The following TTC28 variants were observed in gnomAD, a reference collection of about 807,000 sequenced individuals.
TTC28 encodes the protein tetratricopeptide repeat domain 28, also known as tetratricopeptide repeat protein 28.
In TTC28, 61 loss-of-function variants were observed where a neutral mutation model predicts 198.0. The ratio of observed to expected loss-of-function variants is 0.31; its 90% confidence interval spans 0.25 to 0.38. TTC28 has a LOEUF of 0.38. Among genes scored for constraint, TTC28 ranks in the 10% least tolerant of loss-of-function variants. TTC28 has a pLI of 1.00. For synonymous variants in TTC28, 1,171 were observed against 1,297.8 expected, an observed-to-expected ratio of 0.90 and a Z score of 2.10; for missense variants, 2,678 against 3,164.0, an observed-to-expected ratio of 0.85 and a Z score of 3.69.
intron 1 of TTC28, among the ~76,000 whole-genome samples, chr22:28,634,035 AGAG>A (rs749687283): frequency 6.6e-6 from 1 of 152,186 alleles, no homozygotes; most frequent in Non-Finnish European, 1.5e-5. Flanking sequence ...TCTAAATACT[AGAG>A]GAGAACTCTA....
At chr22:28,197,969 A>G (rs1925540797) in intron 5 of TTC28, among the ~76,000 whole-genome samples, 1 of 152,164 alleles carries the variant, frequency 6.6e-6, no homozygotes, top group Non-Finnish European at 1.5e-5. Context: ...CCTTTCAAAC[A>G]GCAAAGTGCA....
In TTC28 at chr22:28,030,245, G is replaced by A. The variant is rs201500299; in HGVS notation, c.4054C>T (p.Arg1352Cys). Residue 1352 changes from arginine to cysteine, a missense_variant, in exon 13 of 23, where the codon CGC (arginine) becomes TGC (cysteine). This residue lies in a region of TTC28 where 727 missense variants were observed against 861.9 expected (regional missense o/e 0.84). Coordinates refer to ENST00000397906, the MANE Select transcript of TTC28 (RefSeq NM_001145418.2). ...DPTGFLRMVR[R>C]NNLFNRSCQS... ...ACTCACCTGTTAAACAGGTTATTGC[G>A]GCGAACCATCCGCAGAAAGCCAGTG... The A allele has an allele frequency of 9.3e-4, 1,444 of 1,551,682 alleles. 2 individuals are homozygous for A. The highest frequency in any genetic ancestry group is 1.2e-3 in the Non-Finnish European group (1,321 of 1,146,990).
At chr22:28,032,175 T>A (rs936605867) in intron 12 of TTC28, among the ~76,000 whole-genome samples, 5 of 79,106 alleles carry the variant, frequency 6.3e-5, no homozygotes, top group African/African-American at 2.9e-4. Flanking sequence ...TGTGTATATA[T>A]ATATATATAT....
Position 28,101,188 on chromosome 22 carries a change from C to G in TTC28, c.3400G>C (p.Glu1134Gln), listed in dbSNP as rs1942139781. The G allele has an allele frequency of 1.9e-6, 3 of 1,550,938 alleles. No homozygotes were observed. The highest frequency in any genetic ancestry group is 2.6e-6 in the Non-Finnish European group (3 of 1,146,730). Residue 1134 changes from glutamate (E) to glutamine (Q), a missense_variant, in exon 9 of 23, where the codon GAG (glutamate) becomes CAG (glutamine). Physicochemically the swap from Glu to Gln is conservative, Grantham distance 29. Around this residue, in one of 8 missense-constraint regions of TTC28, gnomAD observed 727 missense variants for 861.9 expected, o/e 0.84. Coordinates refer to ENST00000397906, the MANE Select transcript of TTC28 (RefSeq NM_001145418.2). Reference protein sequence around the residue: ...GLSLWASGNLEEAQHQLYRAS... With the variant: ...GLSLWASGNLQEAQHQLYRAS... ...CTGCTTACCTGGTGTTGGGCCTCCT[C>G]CAAGTTTCCACTAGCCCAAAGGGAG...
intron 2 of TTC28, among the ~76,000 whole-genome samples, chr22:28,401,770 T>C (rs1040986137): frequency 1.3e-5 from 2 of 152,046 alleles, no homozygotes; most frequent in Non-Finnish European, 2.9e-5. Context: ...ACCCCATCTC[T>C]ACAAAAAAAA....
chr22:28,017,185 G>A (rs1938409921), intron 13 of TTC28, among the ~76,000 whole-genome samples: 1 of 152,244 alleles, frequency 6.6e-6, no homozygotes, highest in Admixed American at 6.5e-5. Context: ...AGACAGGCCT[G>A]GGGCAGGAGG....
intron 2 of TTC28, among the ~76,000 whole-genome samples, chr22:28,387,610 T>G (rs2046631888): frequency 6.6e-6 from 1 of 152,256 alleles, no homozygotes; most frequent in Non-Finnish European, 1.5e-5. Flanking sequence ...GTGAGCATTT[T>G]CTCATGTGTT....
At chr22:28,642,818 T>C (rs747177409) in intron 1 of TTC28, among the ~76,000 whole-genome samples, 75 of 152,224 alleles carry the variant, frequency 4.9e-4, no homozygotes, top group Admixed American at 8.5e-4. Flanking sequence ...TAGCAATATG[T>C]GGTCGTTTAA....
At chr22:28,434,896 G>A (rs900507553) in intron 2 of TTC28, among the ~76,000 whole-genome samples, 8 of 152,144 alleles carry the variant, frequency 5.3e-5, no homozygotes, top group African/African-American at 1.7e-4. Context: ...CTCAACATCT[G>A]TGCTTCTACA....
chr22:28,618,417 C>T (rs1475308181), intron 2 of TTC28, among the ~76,000 whole-genome samples: 1 of 152,076 alleles, frequency 6.6e-6, no homozygotes, highest in Non-Finnish European at 1.5e-5. Context: ...TGCAGTGGCT[C>T]ACGCCTGTAA....
intron 6 of TTC28, among the ~76,000 whole-genome samples, chr22:28,152,391 C>A (rs1943630455): frequency 6.6e-6 from 1 of 151,962 alleles, no homozygotes; most frequent in African/African-American, 2.4e-5. Context: ...TTAGCCCTAG[C>A]CCAGGTAATC....
At chr22:28,210,239 C>A (rs767253992) in intron 5 of TTC28, among the ~76,000 whole-genome samples, 1 of 152,186 alleles carries the variant, frequency 6.6e-6, no homozygotes, top group African/African-American at 2.4e-5. Flanking sequence ...CTCTTCTCCA[C>A]CAAAGGAACG....
chr22:28,567,446 TACAC>T (rs913803833), intron 2 of TTC28, among the ~76,000 whole-genome samples: 3 of 98,526 alleles, frequency 3.0e-5, no homozygotes, highest in South Asian at 3.5e-4. Context: ...CACATATACA[TACAC>T]ACACACACCA....
At chr22:28,279,393 C>G (rs1569236447) in intron 5 of TTC28, among the ~76,000 whole-genome samples, 1 of 151,912 alleles carries the variant, frequency 6.6e-6, no homozygotes, top group East Asian at 1.9e-4. Flanking sequence ...TTTTTTTAGA[C>G]AGAGTCTTTC....
chr22:28,311,444 G>A (rs2045255054), intron 2 of TTC28, among the ~76,000 whole-genome samples: 1 of 152,074 alleles, frequency 6.6e-6, no homozygotes, highest in Non-Finnish European at 1.5e-5. Flanking sequence ...CAATTGTGAT[G>A]GAAAACGATA....
chr22:28,673,184 C>T (rs1197994767), intron 1 of TTC28, among the ~76,000 whole-genome samples: 2 of 152,088 alleles, frequency 1.3e-5, no homozygotes, highest in African/African-American at 4.8e-5. Context: ...ACCATCCTGG[C>T]TAACATGGTG....
In TTC28 at chr22:27,998,582, C is replaced by G. The variant is rs762125187; in HGVS notation, c.5077G>C (p.Val1693Leu). Residue 1693 changes from valine to leucine, a missense_variant, in exon 16 of 23, where the codon GTG (valine) becomes CTG (leucine). Val to Leu is a conservative substitution (Grantham distance 32, BLOSUM62 1). Coordinates refer to ENST00000397906, the MANE Select transcript of TTC28 (RefSeq NM_001145418.2). ...SAALGEAMKVVQSSKAFSHPS... is the reference protein window; with the variant it reads ...SAALGEAMKVLQSSKAFSHPS... ...TGCGAGAAGGCCTTGCTGCTCTGCA[C>G]CACCTTCATGGCCTCCCCCAGGGCG... 1.9e-6 allele frequency: 3 copies of G among 1,550,774 alleles called. No individual in the cohort carries two copies. The highest frequency in any genetic ancestry group is 2.4e-5 in the South Asian group (2 of 84,064).
At chr22:28,233,456 C>T (rs1011705074) in intron 5 of TTC28, among the ~76,000 whole-genome samples, 2 of 151,942 alleles carry the variant, frequency 1.3e-5, no homozygotes, top group Non-Finnish European at 2.9e-5. Context: ...TAGAATGTTG[C>T]CATATTGTTT....
intron 2 of TTC28, among the ~76,000 whole-genome samples, chr22:28,575,408 C>T (rs547409348): frequency 6.6e-5 from 10 of 152,028 alleles, no homozygotes; most frequent in Admixed American, 5.9e-4. Context: ...CAGTACCATG[C>T]TATTTTGGTT....
Sources: gnomAD v4.1 joint callset for allele counts (sites outside exome capture counted in the v4.1 genomes callset) on GRCh38, gnomAD v4.1.1 for gene constraint, gnomAD v4.1.1 regional missense constraint, MANE v1.5 for transcripts, NCBI Gene and HGNC (gene_info 2026-07-23, HGNC 2026-07-21) for gene names.